Variants in EXOC2 observed in about 807,000 individuals in gnomAD.
EXOC2 encodes SEC5-like 1.
EXOC2 carries 70 observed loss-of-function variants against 131.8 expected under a neutral mutation model. That is an observed-to-expected ratio of 0.53 (90% CI 0.44 to 0.65). The LOEUF (loss-of-function observed/expected upper bound fraction) is 0.65. Among genes scored for constraint, EXOC2 ranks in the 30% least tolerant of loss-of-function variants. The pLI is 0.00. For synonymous variants in EXOC2, 411 were observed against 398.4 expected (o/e 1.03, Z -0.38); for missense variants, 923 against 1,108.6 (o/e 0.83, Z 2.38).
At chr6:543,721 A>T (rs1409575450) in intron 22 of EXOC2, among the ~76,000 whole-genome samples, 2 of 152,320 alleles carry the variant, frequency 1.3e-5, no homozygotes, top group Admixed American at 1.3e-4. Flanking sequence ...AACAGAAAAA[A>T]AGGAGCCATT....
chr6:503,458 A>G (rs1764346880), intron 23 of EXOC2, among the ~76,000 whole-genome samples: 1 of 152,120 alleles, frequency 6.6e-6, no homozygotes, highest in Admixed American at 6.5e-5. Flanking sequence ...TGCCCCATTT[A>G]CCCTGATGTG....
At chr6:487,018 C>T (rs1475280618) in intron 27 of EXOC2, among the ~76,000 whole-genome samples, 1 of 152,218 alleles carries the variant, frequency 6.6e-6, no homozygotes, top group Admixed American at 6.5e-5. Flanking sequence ...GATTAGATTC[C>T]TCCCTAATAC....
intron 4 of EXOC2, among the ~76,000 whole-genome samples, chr6:625,133 C>T (rs1561940262): frequency 6.6e-6 from 1 of 152,220 alleles, no homozygotes; most frequent in Non-Finnish European, 1.5e-5. Context: ...ACAGCTAGCC[C>T]CAAGCCAGGA....
In EXOC2 at chr6:517,351, A is replaced by G. The variant is rs147454294; in HGVS notation, c.2380+15118T>C. Among the ~76,000 whole-genome samples the G allele has an allele frequency of 2.5e-3, 374 of 152,302 alleles. 1 individual carries two copies. Among genetic ancestry groups the G allele is most frequent in the Non-Finnish European group, 2.6e-3 (179 of 68,020 alleles). ...GAGGGCACAACTAAATTAAAAAAAA[A>G]TCAACTACAATGAATTGAAGCTCAT... On this transcript the variant is annotated intron_variant, in intron 23 of 27. Coordinates refer to ENST00000230449, the MANE Select transcript of EXOC2 (RefSeq NM_018303.6).
chr6:673,986 C>T lies in EXOC2; in HGVS notation c.-44+19033G>A, dbSNP rs144714791. Among the ~76,000 whole-genome samples, 820 of 152,112 alleles carry T rather than the reference C, an allele frequency of 5.4e-3. 7 individuals carry two copies. Among genetic ancestry groups the T allele is most frequent in the African/African-American group, 0.018 (767 of 41,492 alleles). ...CACAATAAAGCGAACTGCAATTAAG[C>T]GAGTTATGACTGAAAACTCTCCAAA... On this transcript the variant is annotated intron_variant, in intron 1 of 27. Transcript: ENST00000230449.
At chr6:533,586 G>C (rs1037779997) in intron 22 of EXOC2, among the ~76,000 whole-genome samples, 5 of 152,180 alleles carry the variant, frequency 3.3e-5, no homozygotes, top group Non-Finnish European at 7.3e-5. Context: ...GCACAGTTCA[G>C]CTGCATGGAC....
intron 1 of EXOC2, among the ~76,000 whole-genome samples, chr6:638,092 C>G (rs1184518542): frequency 2.6e-5 from 4 of 152,062 alleles, no homozygotes; most frequent in Non-Finnish European, 5.9e-5. Context: ...AATGCTAAGC[C>G]CTGGGTTCTA....
intron 1 of EXOC2, among the ~76,000 whole-genome samples, chr6:658,184 T>C (rs1235135958): frequency 6.6e-6 from 1 of 152,196 alleles, no homozygotes; most frequent in African/African-American, 2.4e-5. Context: ...GTCAATTTTG[T>C]TTTAGACAAA....
chr6:610,812 C>CT (rs1284501751), intron 6 of EXOC2, among the ~76,000 whole-genome samples: 4 of 152,106 alleles, frequency 2.6e-5, no homozygotes, highest in Admixed American at 2.6e-4. Context: ...TATTTTTCAT[C>CT]TTTTTTTCTT....
intron 23 of EXOC2, among the ~76,000 whole-genome samples, chr6:513,265 G>A (rs1764958379): frequency 6.6e-6 from 1 of 152,218 alleles, no homozygotes; most frequent in African/African-American, 2.4e-5. Context: ...GGTCACCCAC[G>A]GTTTACGTGC....
intron 11 of EXOC2, among the ~76,000 whole-genome samples, chr6:584,341 G>A (rs1055248909): frequency 6.6e-6 from 1 of 152,130 alleles, no homozygotes; most frequent in Non-Finnish European, 1.5e-5. Flanking sequence ...GGTCCTAGCT[G>A]TATTTTTTAA....
At chr6:540,589 G>A (rs934327927) in intron 22 of EXOC2, among the ~76,000 whole-genome samples, 1 of 152,076 alleles carries the variant, frequency 6.6e-6, no homozygotes, top group Non-Finnish European at 1.5e-5. Flanking sequence ...AACAAAAAGA[G>A]AGAGCTGAGG....
intron 23 of EXOC2, among the ~76,000 whole-genome samples, chr6:523,631 A>G (rs1473203009): frequency 6.6e-6 from 1 of 152,270 alleles, no homozygotes; most frequent in Admixed American, 6.5e-5. Context: ...TAAACAGGGC[A>G]ATGAATGTAT....
At chr6:671,115 G>A (rs1026179149) in intron 1 of EXOC2, among the ~76,000 whole-genome samples, 6 of 149,480 alleles carry the variant, frequency 4.0e-5, no homozygotes, top group African/African-American at 7.4e-5. Flanking sequence ...CCAACACTTC[G>A]CGAGGCTAAG....
intron 1 of EXOC2, among the ~76,000 whole-genome samples, chr6:677,934 T>TCTCACACACACACA (rs111239666): frequency 5.4e-5 from 8 of 147,204 alleles, no homozygotes; most frequent in Non-Finnish European, 1.2e-4. Context: ...TTATAATCTC[T>TCTCACACACACACA]CACACACACA....
chr6:656,257 G>A (rs776628365), intron 1 of EXOC2: 3 of 1,614,154 alleles, frequency 1.9e-6, no homozygotes, highest in Non-Finnish European at 1.7e-6. Flanking sequence ...TTGTCCACCC[G>A]CACTTGCACC....
intron 10 of EXOC2, among the ~76,000 whole-genome samples, chr6:594,081 C>G (rs1759687268): frequency 6.6e-6 from 1 of 152,206 alleles, no homozygotes; most frequent in African/African-American, 2.4e-5. Flanking sequence ...CAGGATGTGT[C>G]TCTGTGCTGA....
At chr6:667,963 G>A (rs966317381) in intron 1 of EXOC2, among the ~76,000 whole-genome samples, 1 of 151,832 alleles carries the variant, frequency 6.6e-6, no homozygotes, top group African/African-American at 2.4e-5. Context: ...AATACACTGG[G>A]TTTTTTTCTT....
intron 1 of EXOC2, among the ~76,000 whole-genome samples, 170 bp downstream of exon 1, chr6:692,849 C>A (rs56218108): frequency 1.6e-4 from 13 of 79,784 alleles, no homozygotes; most frequent in East Asian, 6.7e-4. Flanking sequence ...GGCTGCGGGG[C>A]TGGGAACCGC....
Sources: allele counts gnomAD v4.1 joint callset (sites outside exome capture counted in the v4.1 genomes callset), GRCh38; gene constraint gnomAD v4.1.1; transcripts MANE v1.5; gene names NCBI Gene and HGNC (gene_info 2026-07-23, HGNC 2026-07-21).